The following KMT2D variants were observed in gnomAD, a reference collection of about 807,000 sequenced individuals.
The protein encoded by KMT2D is lysine methyltransferase 2D.
Under a neutral mutation model 512.7 loss-of-function variants are expected in KMT2D, and 55 were observed. The observed-to-expected ratio is 0.11, with a 90% CI of 0.09 to 0.13. The LOEUF (loss-of-function observed/expected upper bound fraction) is 0.13, where lower values mean the gene tolerates loss of function less well. KMT2D is among the 10% of genes least tolerant of loss of function. The probability of loss-of-function intolerance (pLI) is 1.00; values close to 1 mark genes in which losing one functional copy is unlikely to be tolerated. For synonymous variants in KMT2D, 2,995 were observed against 2,904.0 expected (o/e 1.03, Z -1.01); for missense variants, 6,061 against 7,127.9 (o/e 0.85, Z 5.39).
chr12:49,059,951 G>C lies in KMT2D; in HGVS notation c.-376C>G, dbSNP rs984830670. 6.6e-6 allele frequency among the ~76,000 whole-genome samples: 1 copy of C among 151,918 alleles called. No individual in the cohort carries two copies. The highest frequency in any genetic ancestry group is 1.9e-4 in the East Asian group (1 of 5,154). ...GTCGCCGGGCGGCCTCTCAGTCCTA[G>C]GGCCCGGCCAGCGCCCCGGCCGCCC... On this transcript the variant is annotated 5_prime_UTR_variant, in exon 1 of 55. Transcript: ENST00000301067.
intron 48 of KMT2D, 65 bp downstream of exon 48, chr12:49,027,738 G>A: frequency 6.5e-7 from 1 of 1,543,204 alleles, no homozygotes. Context: ...ACAGATGTGA[G>A]CCACCGCGCC....
At chr12:49,029,354 T>G in intron 44 of KMT2D, 47 bp downstream of exon 44, 1 of 1,560,370 alleles carries the variant, frequency 6.4e-7, no homozygotes, top group Non-Finnish European at 8.7e-7. Flanking sequence ...TGAGGCAACC[T>G]GTACCCCACC....
rs1377283408 is a variant in KMT2D, at chr12:49,032,690, A to T, written c.12015T>A (p.Pro4005=). 17 of 1,613,212 alleles carry T rather than the reference A, an allele frequency of 1.1e-5. No individual in the cohort carries two copies. Among genetic ancestry groups the T allele is most frequent in the Non-Finnish European group, 1.4e-5 (17 of 1,179,688 alleles). The part of the protein sequence containing the change: ...VALGPGMPAK[P]LQHFSSPGAL... ...CTCCAGGGCTAGAAAAGTGTTGAAG[A>T]GGCTTTGCTGGCATGCCAGGGCCAA... is the stretch of plus-strand genomic sequence containing the variant. Residue 4005 remains proline, a synonymous_variant, in exon 40 of 55, where the codon CCT becomes CCA. Coordinates refer to ENST00000301067, the MANE Select transcript of KMT2D (RefSeq NM_003482.4).
rs1943033522 is a variant in KMT2D, at chr12:49,033,107, C to CTGTTGGTGCTGT, written c.11586_11597dup (p.His3864_Gln3867dup). 4 of 1,551,504 alleles carry CTGTTGGTGCTGT rather than the reference C, an allele frequency of 2.6e-6. No individual in the cohort carries two copies. The highest frequency in any genetic ancestry group is 3.5e-6 in the Non-Finnish European group (4 of 1,146,890). ...GGGACAGCCCTGCCATGGACCCTTG[C>CTGTTGGTGCTGT]TGTTGGTGCTGTTGTTGCTGCTGCT... On this transcript the variant is annotated inframe_insertion, in exon 40 of 55. Transcript: ENST00000301067.
At position 49,037,871 on chromosome 12, in the gene KMT2D, C is replaced by T. The variant is rs773802581; in HGVS notation, c.9485G>A (p.Gly3162Asp). 3.1e-5 allele frequency: 50 copies of T among 1,597,268 alleles called. No homozygotes were observed. Among genetic ancestry groups the T allele is most frequent in the Non-Finnish European group, 4.0e-5 (47 of 1,172,074 alleles). ...TGTGCCCATCCGGGTATCCCGGCTG[C>T]CCATCATGCTCTGTCCTGGCTTTAG... ...LGLKPGQSMM[G>D]SRDTRMGTGP... Residue 3162 changes from glycine (G) to aspartate (D), a missense_variant, in exon 35 of 55, where the codon GGC becomes GAC. By Grantham distance (94) the Gly-to-Asp change is moderately conservative (BLOSUM62 -1). Coordinates refer to ENST00000301067, the MANE Select transcript of KMT2D (RefSeq NM_003482.4).
Position 49,022,599 on chromosome 12 carries a change from G to A in KMT2D, c.16329C>T (p.Tyr5443=), listed in dbSNP as rs370674392. ...NEVANRREKI[Y]EEQNRGIYMF... is the part of the protein sequence containing the mutation. ...CTCTGCCAGCTCATACCTGCTCTTC[G>A]TAGATTTTCTCCCGCCGGTTGGCCA... Residue 5443 remains tyrosine, a synonymous_variant, in exon 52 of 55, where the codon TAC becomes TAT. Transcript: ENST00000301067. This position sits in a 1 kb window ranked among gnomAD's most constrained non-coding sequence, Gnocchi z 8.6. 2.4e-5 allele frequency: 39 copies of A among 1,613,346 alleles called. No individual in the cohort carries two copies. The African/African-American group carries it at 3.7e-4, about 15-fold the overall frequency.
chr12:49,042,962 C>G lies in KMT2D; in HGVS notation c.5645-84G>C, dbSNP rs1943609365. On this transcript the variant is annotated intron_variant, in intron 26 of 54. Coordinates refer to ENST00000301067, the MANE Select transcript of KMT2D (RefSeq NM_003482.4). The surrounding 1 kb of genome is among the most constrained non-coding windows in gnomAD (Gnocchi z 4.4). ...GTCTACAAATGATCATGGCCAGGAA[C>G]AGTCCAGGACTCCCCACCAGAGAAG... The G allele has an allele frequency of 1.9e-6, 3 of 1,576,146 alleles. No individual in the cohort carries two copies. The highest frequency in any genetic ancestry group is 2.6e-6 in the Non-Finnish European group (3 of 1,148,646).
chr12:49,042,728 C>T lies in KMT2D; in HGVS notation c.5782+13G>A. 6.2e-7 allele frequency: 1 copy of T among 1,611,572 alleles called. No individual in the cohort carries two copies. The highest frequency in any genetic ancestry group is 8.5e-7 in the Non-Finnish European group (1 of 1,178,280). ...GGTTATGTCAGTCTTCAGACCACTC[C>T]CACCTGTATTACCTTGAAGAAAGGG... On this transcript the variant is annotated intron_variant, in intron 27 of 54. Transcript: ENST00000301067. This position sits in a 1 kb window ranked among gnomAD's most constrained non-coding sequence, Gnocchi z 4.4.
Position 49,048,844 on chromosome 12 carries a change from G to T in KMT2D, c.4021-75C>A, listed in dbSNP as rs1937724597. On this transcript the variant is annotated intron_variant, in intron 13 of 54. Transcript: ENST00000301067. Reference sequence around the variant, plus strand: ...CAAGCTACTTTCCTCTTTGGTGTTGGGGGAAGAAAGTGTGAACCCTTGGTT... The same window carrying T: ...CAAGCTACTTTCCTCTTTGGTGTTGTGGGAAGAAAGTGTGAACCCTTGGTT... 4.0e-6 allele frequency: 4 copies of T among 1,009,106 alleles called. No homozygotes were observed. In the South Asian group the frequency reaches 5.8e-5, roughly 15 times the overall value. 62.5% of individuals were successfully genotyped at this position (1,009,106 alleles called of 1,614,324 possible).
chr12:49,021,475 A>C lies in KMT2D; in HGVS notation c.*305T>G. On this transcript the variant is annotated 3_prime_UTR_variant, in exon 55 of 55. Transcript: ENST00000301067. ...TGCTGCCTCCCAGATGCTTCTGGGT[A>C]GTTCCCGGCCCATATCCCCCTCAAA... is the stretch of plus-strand genomic sequence containing the variant. The C allele has an allele frequency of 2.3e-6, 1 of 428,862 alleles. No individual in the cohort carries two copies. The highest frequency in any genetic ancestry group is 3.7e-5 in the East Asian group (1 of 27,006). 26.6% of individuals were successfully genotyped at this position (428,862 alleles called of 1,614,324 possible).
intron 35 of KMT2D, among the ~76,000 whole-genome samples, chr12:49,036,373 G>A (rs963131393): frequency 3.3e-5 from 5 of 149,488 alleles, no homozygotes; most frequent in Non-Finnish European, 4.4e-5. Context: ...GTGCAATGGC[G>A]TGATCTCAGC....
Position 49,022,926 on chromosome 12 carries a change from C to T in KMT2D, c.16053-51G>A. 6.7e-7 allele frequency: 1 copy of T among 1,498,544 alleles called. No homozygotes were observed. Among genetic ancestry groups the T allele is most frequent in the Non-Finnish European group, 9.0e-7 (1 of 1,116,596 alleles). The allele number at this position is 1,498,544 out of a possible 1,614,324, so 92.8% of individuals were successfully genotyped here. On this transcript the variant is annotated intron_variant, in intron 51 of 54. Coordinates refer to ENST00000301067, the MANE Select transcript of KMT2D (RefSeq NM_003482.4). The surrounding 1 kb of genome is among the most constrained non-coding windows in gnomAD (Gnocchi z 8.6). ...AGACAGCTCTCCCTCAGACCAAGTA[C>T]ATACCACCCACCTCCTCTGCCACCT...
intron 40 of KMT2D, 57 bp from the exon 41 acceptor site, chr12:49,031,090 TTC>T: frequency 3.1e-6 from 5 of 1,612,078 alleles, no homozygotes; most frequent in Non-Finnish European, 3.4e-6. Flanking sequence ...CCCTCATCTC[TTC>T]TGTCTGACCC....
At position 49,052,306 on chromosome 12, in the gene KMT2D, G is replaced by A. The variant is rs200861520; in HGVS notation, c.1377C>T (p.Ser459=). The change falls in exon 11 of 55, where the codon TCC becomes TCT. Residue 459 remains serine (S), a synonymous_variant. Coordinates refer to ENST00000301067, the MANE Select transcript of KMT2D (RefSeq NM_003482.4). ...LSPPPEESPT[S]PPPEASRLSP... ...ACAGGCGTGATGCCTCAGGTGGTGG[G>A]GACGTGGGTGATTCCTCAGGTGGTG... The A allele has an allele frequency of 6.3e-7, 1 of 1,586,308 alleles. No homozygotes were observed. The highest frequency in any genetic ancestry group is 1.7e-5 in the Admixed American group (1 of 58,634).
At chr12:49,036,476 TAA>T (rs1250051104) in intron 35 of KMT2D, among the ~76,000 whole-genome samples, 2 of 129,040 alleles carry the variant, frequency 1.5e-5, no homozygotes, top group African/African-American at 3.1e-5. Flanking sequence ...CACACCCAGC[TAA>T]TTTTTTTTTT....
intron 1 of KMT2D, among the ~76,000 whole-genome samples, chr12:49,056,248 C>T (rs898237398): frequency 1.3e-5 from 2 of 152,168 alleles, no homozygotes; most frequent in African/African-American, 4.8e-5. Context: ...CACAGCACAG[C>T]GGAGTAGCTT....
In KMT2D at chr12:49,027,678, C is replaced by T. The variant is rs577697518; in HGVS notation, c.14643+125G>A. On this transcript the variant is annotated intron_variant, in intron 48 of 54. Coordinates refer to ENST00000301067, the MANE Select transcript of KMT2D (RefSeq NM_003482.4). ...CCATGTTGGCCAGGCTGGTCTCAAA[C>T]TCCTGGCCTAAAGTGATTCACTCGC... The T allele has an allele frequency of 4.8e-5, 60 of 1,250,646 alleles. No homozygotes were observed. In the East Asian group the frequency reaches 7.4e-4, roughly 15 times the overall value. The allele number at this position is 1,250,646 out of a possible 1,614,324, so 77.5% of individuals were successfully genotyped here.
At position 49,050,321 on chromosome 12, in the gene KMT2D, A is replaced by G. The variant is rs760010836; in HGVS notation, c.3267T>C (p.Ser1089=). ...SEPECPALEP[S]ATSPLPSPMG... ...TTGGGGAAGGGAGAGGACTGGTGGC[A>G]CTGGGTTCCAAGGCTGGGCATTCAG... The change falls in exon 12 of 55, where the codon AGT becomes AGC. Residue 1089 remains serine, a synonymous_variant. Transcript: ENST00000301067. 3.1e-6 allele frequency: 5 copies of G among 1,611,118 alleles called. No homozygotes were observed. Among genetic ancestry groups the G allele is most frequent in the Non-Finnish European group, 4.2e-6 (5 of 1,178,656 alleles).
rs2120422115 is a variant in KMT2D, at chr12:49,031,635, C to T, written c.13070G>A (p.Arg4357Lys). 6.2e-7 allele frequency: 1 copy of T among 1,603,664 alleles called. No individual in the cohort carries two copies. The highest frequency in any genetic ancestry group is 8.5e-7 in the Non-Finnish European group (1 of 1,175,322). The part of the protein sequence containing the change: ...QGPTLEPPPG[R>K]VSPAAAQLAD... ...AAGCTGGGCAGCAGCAGGTGAGACC[C>T]TCCCAGGAGGCGGCTCCAAGGTTGG... is the stretch of plus-strand genomic sequence containing the variant. The change falls in exon 40 of 55, where the codon AGG (arginine) becomes AAG (lysine). Residue 4357 changes from arginine (R) to lysine (K), a missense_variant. By Grantham distance (26) the Arg-to-Lys change is conservative (BLOSUM62 2). This residue lies in a region of KMT2D where 1,600 missense variants were observed against 1,754.9 expected (regional missense o/e 0.91). Transcript: ENST00000301067.
Sources: allele counts gnomAD v4.1 joint callset (sites outside exome capture counted in the v4.1 genomes callset), GRCh38; gene constraint gnomAD v4.1.1; regional missense constraint gnomAD v4.1.1; non-coding constraint Gnocchi (gnomAD v3.1); transcripts MANE v1.5; gene names NCBI Gene and HGNC (gene_info 2026-07-23, HGNC 2026-07-21).